TOX: variants seen among roughly 807,000 people sequenced by gnomAD.
TOX encodes thymocyte selection associated high mobility group box, also known as thymocyte selection-associated high mobility group box protein TOX.
A neutral mutation model predicts 53.7 loss-of-function variants in TOX; 11 were observed. The ratio of observed to expected loss-of-function variants is 0.20; its 90% confidence interval spans 0.13 to 0.34. The LOEUF (loss-of-function observed/expected upper bound fraction) is 0.34. Ranked by LOEUF, TOX falls within the 10% of genes least tolerant of loss-of-function variation. The pLI is 1.00. For synonymous variants in TOX, 225 were observed against 245.3 expected, an observed-to-expected ratio of 0.92 and a Z score of 0.77; for missense variants, 570 against 664.6, an observed-to-expected ratio of 0.86 and a Z score of 1.56.
chr8:58,841,291 C>G (rs1810636959), intron 4 of TOX, among the ~76,000 whole-genome samples: 1 of 152,176 alleles, frequency 6.6e-6, no homozygotes, highest in Admixed American at 6.5e-5. Flanking sequence ...TAGATCTACT[C>G]CTGTTCGTGT....
At chr8:59,065,955 A>G (rs1361919085) in intron 1 of TOX, among the ~76,000 whole-genome samples, 2 of 152,330 alleles carry the variant, frequency 1.3e-5, no homozygotes, top group African/African-American at 2.4e-5. Context: ...ATTGAGAGCA[A>G]AACAACAAAC....
At chr8:59,053,891 T>C (rs1803838612) in intron 1 of TOX, among the ~76,000 whole-genome samples, 1 of 152,222 alleles carries the variant, frequency 6.6e-6, no homozygotes. Flanking sequence ...AACATATTTT[T>C]CTCAAGTCAA....
intron 5 of TOX, 59 bp downstream of exon 5, chr8:58,838,022 T>A (rs751928730): frequency 1.3e-6 from 2 of 1,536,450 alleles, no homozygotes; most frequent in Non-Finnish European, 1.8e-6. Flanking sequence ...GGGAGGCCAT[T>A]TCTTCAGACT....
At chr8:58,850,684 C>T (rs1354688765) in intron 4 of TOX, among the ~76,000 whole-genome samples, 1 of 152,076 alleles carries the variant, frequency 6.6e-6, no homozygotes, top group Non-Finnish European at 1.5e-5. Context: ...GCTCCAAATG[C>T]CAGAACATCA....
intron 1 of TOX, among the ~76,000 whole-genome samples, chr8:59,092,283 T>TATATATATA (rs1804628123): frequency 1.1e-5 from 1 of 87,382 alleles, no homozygotes; most frequent in South Asian, 3.9e-4. Context: ...ATATATATAT[T>TATATATATA]ATATATACAT....
At chr8:58,968,218 C>T (rs770885690) in intron 1 of TOX, among the ~76,000 whole-genome samples, 7 of 152,258 alleles carry the variant, frequency 4.6e-5, no homozygotes, top group Non-Finnish European at 1.0e-4. Flanking sequence ...TAAAACCATT[C>T]TGGTGAATTT....
intron 3 of TOX, among the ~76,000 whole-genome samples, chr8:58,873,209 T>G (rs770689985): frequency 6.6e-6 from 1 of 152,106 alleles, no homozygotes; most frequent in African/African-American, 2.4e-5. Flanking sequence ...AATGGTTTCT[T>G]TATAAATTAA....
intron 1 of TOX, among the ~76,000 whole-genome samples, chr8:59,002,804 C>T (rs571568628): frequency 1.3e-5 from 2 of 152,240 alleles, no homozygotes; most frequent in East Asian, 1.9e-4. Flanking sequence ...ATAAATTAGT[C>T]ATTAACGTTA....
chr8:59,073,731 T>C (rs1804242546), intron 1 of TOX, among the ~76,000 whole-genome samples: 1 of 152,116 alleles, frequency 6.6e-6, no homozygotes, highest in African/African-American at 2.4e-5. Context: ...TCCAACAGAT[T>C]TGGAAGACCT....
intron 1 of TOX, among the ~76,000 whole-genome samples, chr8:59,091,611 A>C (rs1424826140): frequency 1.3e-5 from 2 of 152,118 alleles, no homozygotes; most frequent in East Asian, 1.9e-4. Flanking sequence ...ATAACAGCAT[A>C]TCTCTCATTA....
intron 4 of TOX, among the ~76,000 whole-genome samples, chr8:58,850,357 G>C (rs1810790629): frequency 6.6e-6 from 1 of 152,204 alleles, no homozygotes; most frequent in Admixed American, 6.6e-5. Flanking sequence ...GGAGAAGACA[G>C]AGCATGCCCA....
At chr8:58,975,288 A>G (rs62505260) in intron 1 of TOX, among the ~76,000 whole-genome samples, 11 of 150,580 alleles carry the variant, frequency 7.3e-5, no homozygotes, top group East Asian at 1.9e-4. Context: ...AGAGAGAGAG[A>G]GGGGAGATTG....
At chr8:58,862,969 A>G (rs903499040) in intron 3 of TOX, among the ~76,000 whole-genome samples, 2 of 152,168 alleles carry the variant, frequency 1.3e-5, no homozygotes, top group Non-Finnish European at 2.9e-5. Context: ...GACCCTCTCA[A>G]CTAATAATAA....
chr8:59,082,775 A>C (rs531603422), intron 1 of TOX, among the ~76,000 whole-genome samples: 83 of 152,248 alleles, frequency 5.5e-4, no homozygotes, highest in African/African-American at 2.0e-3. Flanking sequence ...ATGGCTTTTA[A>C]GTTTTCTTTT....
At chr8:59,094,583 AATT>A (rs765622841) in intron 1 of TOX, among the ~76,000 whole-genome samples, 5 of 151,570 alleles carry the variant, frequency 3.3e-5, no homozygotes, top group Admixed American at 6.6e-5. Context: ...TATTATATTT[AATT>A]ATTATATAAT....
At chr8:59,091,975 C>T (rs1804614134) in intron 1 of TOX, among the ~76,000 whole-genome samples, 1 of 151,792 alleles carries the variant, frequency 6.6e-6, no homozygotes, top group Non-Finnish European at 1.5e-5. Flanking sequence ...TGTGGCCGGG[C>T]GTGGTGGCTC....
chr8:58,857,402 T>C (rs899800785), intron 3 of TOX, among the ~76,000 whole-genome samples: 1 of 152,204 alleles, frequency 6.6e-6, no homozygotes, highest in African/African-American at 2.4e-5. Context: ...ACTCTGTCCA[T>C]TTGAAAATGG....
intron 1 of TOX, among the ~76,000 whole-genome samples, chr8:59,015,839 T>C (rs898941916): frequency 6.6e-6 from 1 of 152,160 alleles, no homozygotes; most frequent in African/African-American, 2.4e-5. Context: ...ACATGCAAAT[T>C]TTGTCATGGT....
intron 3 of TOX, among the ~76,000 whole-genome samples, chr8:58,884,528 A>G (rs2129171230): frequency 6.6e-6 from 1 of 152,290 alleles, no homozygotes; most frequent in African/African-American, 2.4e-5. Flanking sequence ...ATGCATTACA[A>G]TAGACTGTCA....
Sources: gnomAD v4.1 joint callset for allele counts (sites outside exome capture counted in the v4.1 genomes callset) on GRCh38, gnomAD v4.1.1 for gene constraint, MANE v1.5 for transcripts, NCBI Gene and HGNC (gene_info 2026-07-23, HGNC 2026-07-21) for gene names.